SLC4A4: variants seen among roughly 807,000 people sequenced by gnomAD.
SLC4A4 encodes the protein electrogenic sodium bicarbonate cotransporter 1.
Under a neutral mutation model 111.5 loss-of-function variants are expected in SLC4A4, and 27 were observed. That is an observed-to-expected ratio of 0.24 (90% CI 0.18 to 0.33). SLC4A4 has a LOEUF of 0.33. Among genes scored for constraint, SLC4A4 ranks in the 10% least tolerant of loss-of-function variants. SLC4A4 has a pLI of 1.00. For synonymous variants in SLC4A4, 443 were observed against 463.4 expected (o/e 0.96, Z 0.57); for missense variants, 909 against 1,315.5 (o/e 0.69, Z 4.78).
chr4:71,179,686 T>G (rs1307862763), intron 2 of SLC4A4, among the ~76,000 whole-genome samples: 1 of 152,114 alleles, frequency 6.6e-6, no homozygotes, highest in Non-Finnish European at 1.5e-5. Flanking sequence ...AAACCGCTGC[T>G]CAATGAAATA....
At chr4:71,244,004 T>C (rs1305220428) in intron 2 of SLC4A4, among the ~76,000 whole-genome samples, 1 of 152,086 alleles carries the variant, frequency 6.6e-6, no homozygotes, top group Non-Finnish European at 1.5e-5. Flanking sequence ...TATATCAGCT[T>C]TAGAGGAATG....
Position 71,496,931 on chromosome 4 carries a change from A to G in SLC4A4, c.1975-570A>G, listed in dbSNP as rs187530768. Among the ~76,000 whole-genome samples the G allele has an allele frequency of 7.6e-3, 1,158 of 152,250 alleles. 9 individuals are homozygous for G. The highest frequency in any genetic ancestry group is 0.015 in the Admixed American group (234 of 15,274). ...AATCTATACTTTATTAGAATATGCAATTGAAAAAGCAGGGACCATCCATAT... is the reference window on the plus strand; with the variant it reads ...AATCTATACTTTATTAGAATATGCAGTTGAAAAAGCAGGGACCATCCATAT... On this transcript the variant is annotated intron_variant, in intron 15 of 25. Transcript: ENST00000264485.
chr4:71,161,877 T>G (rs1744623514), intron 2 of SLC4A4, among the ~76,000 whole-genome samples: 2 of 152,198 alleles, frequency 1.3e-5, no homozygotes, highest in African/African-American at 4.8e-5. Context: ...TTCTCAGAGT[T>G]TATGAAAGGA....
rs574177413 is a variant in SLC4A4 at position 71,569,296 on chromosome 4, G to C, written c.*1545G>C. The C allele has an allele frequency of 2.0e-4, 30 of 151,784 alleles. 1 individual carries two copies. The highest frequency in any genetic ancestry group is 6.5e-4 in the African/African-American group (27 of 41,488). The allele number at this position is 151,784 out of a possible 1,614,324, so 9.4% of individuals were successfully genotyped here. A position where few individuals can be genotyped will look rare whatever the true frequency, so the allele number is the denominator to read the frequency against. On this transcript the variant is annotated 3_prime_UTR_variant, in exon 26 of 26. Coordinates refer to ENST00000264485, the MANE Select transcript of SLC4A4 (RefSeq NM_001098484.3). ...AACATGCAATATAAAATTCATAGGA[G>C]TATTAATAGCCCATTTACACATCTA...
Position 71,398,284 on chromosome 4 carries a change from C to CAA in SLC4A4, c.807+648_807+649dup, listed in dbSNP as rs34473877. On this transcript the variant is annotated intron_variant, in intron 7 of 25. Transcript: ENST00000264485. ...TCAGTGACAGAGCGAGACTTTGTCT[C>CAA]AAAAAAAAAAAAAAAAAAGAAATGC... Among the ~76,000 whole-genome samples the CAA allele has an allele frequency of 1.1e-3, 87 of 78,366 alleles. 1 individual carries two copies. The highest frequency in any genetic ancestry group is 3.5e-3 in the South Asian group (10 of 2,820). The allele number at this position is 78,366 out of a possible 152,430, so 51.4% of individuals were successfully genotyped here.
intron 2 of SLC4A4, among the ~76,000 whole-genome samples, chr4:71,243,990 C>A (rs1720442095): frequency 6.6e-6 from 1 of 152,028 alleles, no homozygotes; most frequent in African/African-American, 2.4e-5. Context: ...GTAACATTGG[C>A]CAGTATATCA....
chr4:71,168,231 G>A (rs1744837302), intron 2 of SLC4A4, among the ~76,000 whole-genome samples: 1 of 144,526 alleles, frequency 6.9e-6, no homozygotes, highest in East Asian at 2.0e-4. Flanking sequence ...GCTCAGGCTG[G>A]AGTACAGTGG....
chr4:71,452,340 T>C lies in SLC4A4; in HGVS notation c.1322+1039T>C, dbSNP rs1043126506. 9.2e-5 allele frequency among the ~76,000 whole-genome samples: 14 copies of C among 152,338 alleles called. 1 individual carries two copies. Among genetic ancestry groups the C allele is most frequent in the Middle Eastern group, 6.8e-3 (2 of 294 alleles). On this transcript the variant is annotated intron_variant, in intron 11 of 25. Coordinates refer to ENST00000264485, the MANE Select transcript of SLC4A4 (RefSeq NM_001098484.3). ...CATTAGGAATATCCTTTTCTTTTTT[T>C]ACAGACATGAGTTCTGGGCTTTAAT... is the stretch of plus-strand genomic sequence containing the variant.
chr4:71,202,409 A>T (rs1746299312), intron 1 of SLC4A4, among the ~76,000 whole-genome samples: 1 of 151,984 alleles, frequency 6.6e-6, no homozygotes, highest in Non-Finnish European at 1.5e-5. Context: ...CCCTTCCCCC[A>T]CCTCCTCAAA....
intron 2 of SLC4A4, among the ~76,000 whole-genome samples, chr4:71,125,530 A>G (rs1743537906): frequency 6.6e-6 from 1 of 152,264 alleles, no homozygotes; most frequent in Non-Finnish European, 1.5e-5. Context: ...ACAGCCCTCC[A>G]GCCTGGGCGA....
chr4:71,544,667 GC>G (rs1735353149), intron 18 of SLC4A4, among the ~76,000 whole-genome samples: 1 of 152,014 alleles, frequency 6.6e-6, no homozygotes, highest in Non-Finnish European at 1.5e-5. Context: ...GCCTAACACA[GC>G]AGCCAGTGTG....
At chr4:71,565,265 C>T (rs2149259019) in intron 24 of SLC4A4, among the ~76,000 whole-genome samples, 1 of 151,996 alleles carries the variant, frequency 6.6e-6, no homozygotes, top group South Asian at 2.1e-4. Flanking sequence ...CTTATGTTCC[C>T]TGCCTCCAGA....
chr4:71,273,586 A>G (rs551721763), intron 3 of SLC4A4, among the ~76,000 whole-genome samples: 66 of 152,258 alleles, frequency 4.3e-4, no homozygotes, highest in African/African-American at 1.4e-3. Flanking sequence ...TCACAAGGTA[A>G]TGCATAGTGT....
At chr4:71,383,042 C>A (rs1484405613) in intron 6 of SLC4A4, among the ~76,000 whole-genome samples, 1 of 152,146 alleles carries the variant, frequency 6.6e-6, no homozygotes, top group Non-Finnish European at 1.5e-5. Flanking sequence ...TAACTAGGCC[C>A]AGTGAAGCAT....
chr4:71,360,821 A>G (rs919339885), intron 6 of SLC4A4, among the ~76,000 whole-genome samples: 23 of 152,234 alleles, frequency 1.5e-4, no homozygotes, highest in Admixed American at 1.2e-3. Context: ...ATATTGTTGT[A>G]GGACTTCTCC....
At chr4:71,492,562 C>T (rs6826604) in intron 15 of SLC4A4, among the ~76,000 whole-genome samples, 151,181 of 152,078 alleles carry the variant, frequency 0.99, 75,150 homozygotes, top group Middle Eastern at 1. Context: ...TCTGGTCTAT[C>T]CGCTGTTAGA....
chr4:71,433,852 T>C (rs1305510154), intron 7 of SLC4A4, among the ~76,000 whole-genome samples: 1 of 152,036 alleles, frequency 6.6e-6, no homozygotes, highest in African/African-American at 2.4e-5. Context: ...TGCCAAATAG[T>C]AGGATGTATA....
chr4:71,081,817 T>TA (rs1742001201), intron 1 of SLC4A4, among the ~76,000 whole-genome samples: 3 of 152,040 alleles, frequency 2.0e-5, no homozygotes, highest in Admixed American at 1.3e-4. Context: ...TTTTTGAAAA[T>TA]AAAAATAGAA....
intron 21 of SLC4A4, 140 bp from the exon 22 acceptor site, chr4:71,557,572 C>T (rs1736583707): frequency 2.5e-6 from 2 of 788,064 alleles, no homozygotes; most frequent in Non-Finnish European, 2.1e-6. Context: ...TAAATTTCTG[C>T]ATTCCTTGAC....
Sources: allele counts gnomAD v4.1 joint callset (sites outside exome capture counted in the v4.1 genomes callset), GRCh38; gene constraint gnomAD v4.1.1; transcripts MANE v1.5; gene names NCBI Gene and HGNC (gene_info 2026-07-23, HGNC 2026-07-21).